Variants in DCDC1 observed in about 807,000 individuals in gnomAD.
DCDC1 encodes doublecortin domain-containing protein 1.
DCDC1 carries 200 observed loss-of-function variants against 178.3 expected under a neutral mutation model. The observed-to-expected ratio is 1.12, with a 90% CI of 1.00 to 1.26. DCDC1 has a LOEUF of 1.26. Among genes scored for constraint, DCDC1 ranks in the 50% most tolerant of loss-of-function variants. The pLI, the probability that DCDC1 is intolerant of heterozygous loss-of-function variation, is 0.00. For missense variants in DCDC1, 1,983 were observed against 1,749.2 expected (o/e 1.13, Z -2.38); for synonymous variants, 690 against 604.8 (o/e 1.14, Z -2.07).
intron 9 of DCDC1, among the ~76,000 whole-genome samples, chr11:31,158,891 G>A (rs965023895): frequency 6.6e-6 from 1 of 152,016 alleles, no homozygotes; most frequent in Admixed American, 6.5e-5. Context: ...TTGCTTTCCT[G>A]AGCATTTTAT....
intron 9 of DCDC1, among the ~76,000 whole-genome samples, chr11:31,217,539 T>C (rs1050203004): frequency 3.9e-5 from 6 of 152,060 alleles, no homozygotes; most frequent in Non-Finnish European, 2.9e-5. Flanking sequence ...TAGAAGCACC[T>C]CTGTAAGAAA....
At chr11:31,307,551 G>T in intron 4 of DCDC1, 88 bp downstream of exon 4, 2 of 1,503,270 alleles carry the variant, frequency 1.3e-6, no homozygotes, top group Non-Finnish European at 1.8e-6. Context: ...TTTAATGTCT[G>T]AGATAGTCAA....
chr11:30,882,256 A>G (rs1194414387), intron 36 of DCDC1: 1 of 152,238 alleles, frequency 6.6e-6, no homozygotes, highest in Non-Finnish European at 1.5e-5. Flanking sequence ...ATATGAGCCA[A>G]GACAAGAAGA....
At chr11:31,166,050 A>T (rs1966753457) in intron 9 of DCDC1, among the ~76,000 whole-genome samples, 1 of 152,186 alleles carries the variant, frequency 6.6e-6, no homozygotes, top group South Asian at 2.1e-4. Flanking sequence ...ATTTAACTAG[A>T]ATAAATTTAG....
At chr11:30,896,167 A>T (rs2134076550) in intron 34 of DCDC1, among the ~76,000 whole-genome samples, 1 of 152,386 alleles carries the variant, frequency 6.6e-6, no homozygotes, top group African/African-American at 2.4e-5. Context: ...GGTATGAATA[A>T]CATAAATTGA....
At chr11:30,873,945 T>C (rs1941881952) in intron 38 of DCDC1, among the ~76,000 whole-genome samples, 1 of 152,186 alleles carries the variant, frequency 6.6e-6, no homozygotes, top group South Asian at 2.1e-4. Flanking sequence ...CTCACTTGTT[T>C]AGCCTTCCAA....
At chr11:30,873,498 A>G (rs377032243) in intron 38 of DCDC1, among the ~76,000 whole-genome samples, 3 of 152,130 alleles carry the variant, frequency 2.0e-5, no homozygotes, top group South Asian at 2.1e-4. Context: ...CTCTCAAGCT[A>G]TATGGATTTC....
At position 30,946,368 on chromosome 11, in the gene DCDC1, G is replaced by A. The variant is rs534593405; in HGVS notation, c.2715+6077C>T. Reference sequence around the variant, plus strand: ...TTGTCTCTCCATGCCACCCCTTCATGCTTGGCCCCATGTGGGCCCTCAAAC... The same window carrying A: ...TTGTCTCTCCATGCCACCCCTTCATACTTGGCCCCATGTGGGCCCTCAAAC... On this transcript the variant is annotated intron_variant, in intron 21 of 38. Coordinates refer to ENST00000684477, the MANE Select transcript of DCDC1 (RefSeq NM_001387274.1). Among the ~76,000 whole-genome samples the A allele has an allele frequency of 6.6e-5, 10 of 152,272 alleles. No homozygotes were observed. In the South Asian group the frequency reaches 2.1e-3, roughly 32 times the overall value.
At chr11:31,085,783 C>T (rs1957436285) in intron 17 of DCDC1, among the ~76,000 whole-genome samples, 1 of 152,168 alleles carries the variant, frequency 6.6e-6, no homozygotes, top group Admixed American at 6.6e-5. Context: ...TCACGGCTCA[C>T]TGCTGCATCG....
Position 30,864,962 on chromosome 11 carries a change from TTTTA to T in DCDC1, c.*407_*410del, listed in dbSNP as rs1055938089. On this transcript the variant is annotated 3_prime_UTR_variant, in exon 39 of 39. Transcript: ENST00000684477. ...AGTTATTTTGAAGGATAAATTTATT[TTTTA>T]TTTTTTATTTTTTGCAGAGGCCTCC... is the stretch of plus-strand genomic sequence containing the variant. 1.3e-5 allele frequency: 2 copies of T among 151,786 alleles called. No homozygotes were observed. The highest frequency in any genetic ancestry group is 4.9e-5 in the African/African-American group (2 of 41,120). The allele number at this position is 151,786 out of a possible 1,614,324, so 9.4% of individuals were successfully genotyped here. A position where few individuals can be genotyped will look rare whatever the true frequency, so the allele number is the denominator to read the frequency against.
intron 16 of DCDC1, among the ~76,000 whole-genome samples, chr11:31,093,118 C>T (rs1243486506): frequency 2.6e-5 from 4 of 152,102 alleles, no homozygotes; most frequent in East Asian, 3.9e-4. Flanking sequence ...GTAAAAAGGG[C>T]AAATAGTTAA....
chr11:31,308,688 G>A (rs1256644201), intron 3 of DCDC1, among the ~76,000 whole-genome samples: 1 of 152,114 alleles, frequency 6.6e-6, no homozygotes, highest in Non-Finnish European at 1.5e-5. Flanking sequence ...CACATGACCT[G>A]GAAGAATATA....
At chr11:31,350,169 C>T (rs1951003124) in intron 1 of DCDC1, among the ~76,000 whole-genome samples, 1 of 151,998 alleles carries the variant, frequency 6.6e-6, no homozygotes, top group African/African-American at 2.4e-5. Flanking sequence ...ATATGAAAGC[C>T]CATCTAACAG....
chr11:31,291,045 G>T (rs575729268), intron 6 of DCDC1, among the ~76,000 whole-genome samples, 193 bp from the exon 7 acceptor site: 1 of 151,898 alleles, frequency 6.6e-6, no homozygotes, highest in Non-Finnish European at 1.5e-5. Context: ...TGCTCTGATA[G>T]CCTGCATAAA....
intron 11 of DCDC1, among the ~76,000 whole-genome samples, chr11:31,113,965 C>T (rs1324370386): frequency 2.0e-5 from 3 of 152,056 alleles, no homozygotes; most frequent in Non-Finnish European, 4.4e-5. Context: ...AATTTCACAC[C>T]ATGTTTCTCT....
chr11:30,915,508 T>A lies in DCDC1; in HGVS notation c.3653+3A>T, dbSNP rs1318512803. On this transcript the variant is annotated splice_donor_region_variant and intron_variant, in intron 27 of 38. Coordinates refer to ENST00000684477, the MANE Select transcript of DCDC1 (RefSeq NM_001387274.1). The stretch of plus-strand genomic sequence containing the variant: ...ATAGTAAACCCAAATATAATGGGAT[T>A]ACCTGCTGTCTTCCTGGTGTATCCA... The A allele has an allele frequency of 6.2e-7, 1 of 1,613,792 alleles. No homozygotes were observed. The highest frequency in any genetic ancestry group is 1.3e-5 in the African/African-American group (1 of 74,910).
intron 10 of DCDC1, among the ~76,000 whole-genome samples, chr11:31,129,924 C>A (rs902074105): frequency 3.3e-5 from 5 of 152,240 alleles, no homozygotes; most frequent in Admixed American, 2.0e-4. Context: ...TCAGACCCCT[C>A]TCCTCTAACC....
At chr11:31,096,114 G>C (rs1273434934) in intron 15 of DCDC1, among the ~76,000 whole-genome samples, 1 of 151,962 alleles carries the variant, frequency 6.6e-6, no homozygotes, top group Non-Finnish European at 1.5e-5. Flanking sequence ...TAATATATGT[G>C]GTAATTATTC....
chr11:31,296,991 C>T (rs1013978573), intron 6 of DCDC1, among the ~76,000 whole-genome samples: 1 of 152,178 alleles, frequency 6.6e-6, no homozygotes, highest in Non-Finnish European at 1.5e-5. Flanking sequence ...GGGAACCCTC[C>T]TATTTAGCAA....
Sources: gnomAD v4.1 joint callset for allele counts (sites outside exome capture counted in the v4.1 genomes callset) on GRCh38, gnomAD v4.1.1 for gene constraint, MANE v1.5 for transcripts, NCBI Gene and HGNC (gene_info 2026-07-23, HGNC 2026-07-21) for gene names.